The following OR3A2 variants were observed in gnomAD, a reference collection of about 807,000 sequenced individuals.
OR3A2 encodes the protein olfactory receptor 3A2.
For synonymous variants in OR3A2, 126 were observed against 159.3 expected (o/e 0.79, Z 1.57); for missense variants, 318 against 392.8 (o/e 0.81, Z 1.61).
intron 2 of OR3A2, among the ~76,000 whole-genome samples, chr17:3,343,668 A>G (rs1434132268): frequency 1.3e-5 from 2 of 152,196 alleles, no homozygotes; most frequent in African/African-American, 4.8e-5. Flanking sequence ...GGGGAAAAGA[A>G]CAAGTTTGGA....
chr17:3,278,908 C>A lies in OR3A2; in HGVS notation c.10G>T (p.Glu4Ter), dbSNP rs1180517617. The A allele has an allele frequency of 6.6e-7, 1 of 1,523,476 alleles. No individual in the cohort carries two copies. Among genetic ancestry groups the A allele is most frequent in the East Asian group, 2.3e-5 (1 of 44,212 alleles). 94.4% of individuals were successfully genotyped at this position (1,523,476 alleles called of 1,614,324 possible). ...ACAGCGGTCCTATTGGTCCCAGCTT[C>A]TGGCTCCATGAGTTTCTGTAAGGAC... Residue 4 changes from glutamate (E) to a stop codon, truncating the protein, a stop_gained, in exon 2 of 2, where the codon GAA becomes TAA. Coordinates refer to ENST00000642052, the Ensembl canonical transcript of OR3A2. LOFTEE classifies it low-confidence loss of function (END_TRUNC).
At chr17:3,349,307 C>G (rs554953270) in intron 2 of OR3A2, among the ~76,000 whole-genome samples, 1 of 152,116 alleles carries the variant, frequency 6.6e-6, no homozygotes, top group African/African-American at 2.4e-5. Flanking sequence ...CAGAGACACA[C>G]ATAGACTCAA....
intron 2 of OR3A2, among the ~76,000 whole-genome samples, chr17:3,359,100 C>G (rs924692042): frequency 6.6e-6 from 1 of 151,788 alleles, no homozygotes; most frequent in African/African-American, 2.4e-5. Context: ...AGGATTGCAA[C>G]CCCTGCTTCC....
chr17:3,329,832 T>C (rs1735669381), intron 3 of OR3A2, among the ~76,000 whole-genome samples: 1 of 114,118 alleles, frequency 8.8e-6, no homozygotes, highest in Admixed American at 9.3e-5. Context: ...CTTTCCTGCT[T>C]TCTCTTGTGG....
intron 2 of OR3A2, among the ~76,000 whole-genome samples, chr17:3,346,331 T>C (rs1233296270): frequency 2.0e-5 from 3 of 152,052 alleles, no homozygotes; most frequent in Non-Finnish European, 4.4e-5. Flanking sequence ...TGTGTGCAAA[T>C]TACATCCTGA....
intron 3 of OR3A2, among the ~76,000 whole-genome samples, chr17:3,332,551 G>A (rs1191806899): frequency 2.0e-5 from 3 of 152,236 alleles, no homozygotes; most frequent in Non-Finnish European, 2.9e-5. Context: ...GCCTCGCCCT[G>A]CTTCAGCTGG....
At chr17:3,321,450 C>G (rs2049121486) in intron 3 of OR3A2, among the ~76,000 whole-genome samples, 2 of 151,522 alleles carry the variant, frequency 1.3e-5, no homozygotes, top group Non-Finnish European at 3.0e-5. Flanking sequence ...GCATCCCTGT[C>G]TTGTGCCAGT....
intron 1 of OR3A2, chr17:3,385,788 C>A: frequency 2.5e-6 from 1 of 396,692 alleles, no homozygotes; most frequent in South Asian, 1.4e-4. Context: ...ATCCATTTAG[C>A]AAGCAGAAAT....
At chr17:3,301,958 CAG>C (rs2048969428) in intron 3 of OR3A2, among the ~76,000 whole-genome samples, 1 of 152,048 alleles carries the variant, frequency 6.6e-6, no homozygotes, top group Non-Finnish European at 1.5e-5. Flanking sequence ...AACAGACAAG[CAG>C]AGAGCCAAAT....
Position 3,371,853 on chromosome 17 carries a change from G to A in OR3A2, c.-179+11951C>T, listed in dbSNP as rs1278288214. ...CCTCCCCACCACCTCCCGCCCGGAC[G>A]GGGCGGCTGGCCGGGAGGGGAGCTG... is the stretch of plus-strand genomic sequence containing the variant. On this transcript the variant is annotated intron_variant, in intron 2 of 4. Coordinates refer to the OR3A2 transcript ENST00000573491. 3.5e-5 allele frequency among the ~76,000 whole-genome samples: 5 copies of A among 141,006 alleles called. 1 individual carries two copies. Among genetic ancestry groups the A allele is most frequent in the East Asian group, 4.7e-4 (2 of 4,278 alleles). 92.5% of individuals were successfully genotyped at this position (141,006 alleles called of 152,430 possible). A position where few individuals can be genotyped will look rare whatever the true frequency, so the allele number is the denominator to read the frequency against.
exon 1 of OR3A2, chr17:3,386,126 T>C (rs1298501958): frequency 2.5e-6 from 1 of 398,914 alleles, no homozygotes; most frequent in Non-Finnish European, 4.4e-6. Flanking sequence ...TTGGGTCACC[T>C]GAGCCTCGTG....
intron 3 of OR3A2, among the ~76,000 whole-genome samples, chr17:3,305,054 C>G (rs1448643919): frequency 6.6e-6 from 1 of 152,120 alleles, no homozygotes; most frequent in African/African-American, 2.4e-5. Context: ...TGGCAATGTT[C>G]TGTATTTTGG....
chr17:3,334,157 G>A (rs1004443784), intron 3 of OR3A2, among the ~76,000 whole-genome samples: 1 of 152,138 alleles, frequency 6.6e-6, no homozygotes, highest in African/African-American at 2.4e-5. Flanking sequence ...ATTGTTAGTG[G>A]GAGTGTAAAT....
rs546397724 is a variant in OR3A2 at position 3,349,841 on chromosome 17, C to A, written c.-178-13715G>T. Among the ~76,000 whole-genome samples the A allele has an allele frequency of 2.8e-4, 42 of 152,154 alleles. No homozygotes were observed. The South Asian group carries it at 8.5e-3, about 31-fold the overall frequency. On this transcript the variant is annotated intron_variant, in intron 2 of 4. Transcript: ENST00000573491. ...AATTATAACAAACTATCTCTCAGAC[C>A]ACAGTGCAATCAAACTAGAACTCAT...
intron 2 of OR3A2, among the ~76,000 whole-genome samples, chr17:3,349,517 C>T (rs937722399): frequency 2.6e-5 from 4 of 152,122 alleles, no homozygotes; most frequent in Non-Finnish European, 4.4e-5. Context: ...TACAGGAGCA[C>T]CCAAATTCAT....
At chr17:3,373,891 G>A (rs2049655873) in intron 2 of OR3A2, among the ~76,000 whole-genome samples, 1 of 151,958 alleles carries the variant, frequency 6.6e-6, no homozygotes, top group South Asian at 2.1e-4. Context: ...TGTTTTATAG[G>A]CCCTGTGAAA....
chr17:3,286,474 C>A (rs911168151), upstream of OR3A2, among the ~76,000 whole-genome samples: 78 of 152,146 alleles, frequency 5.1e-4, no homozygotes, highest in African/African-American at 1.6e-3. Context: ...AGTTCTAGAT[C>A]CTTGAGGAAT....
At chr17:3,280,319 T>G (rs2048769293) in intron 1 of OR3A2, among the ~76,000 whole-genome samples, 1 of 151,818 alleles carries the variant, frequency 6.6e-6, no homozygotes, top group South Asian at 2.1e-4. Context: ...TCACCCAGGC[T>G]GGAGTGCAGT....
chr17:3,382,189 T>C (rs963214920), intron 2 of OR3A2, among the ~76,000 whole-genome samples: 3 of 152,130 alleles, frequency 2.0e-5, no homozygotes, highest in African/African-American at 4.8e-5. Flanking sequence ...GGGGCCATGC[T>C]GGAAAGCTCT....
Sources: allele counts gnomAD v4.1 joint callset (sites outside exome capture counted in the v4.1 genomes callset), GRCh38; gene constraint gnomAD v4.1.1; transcripts MANE v1.5; gene names NCBI Gene and HGNC (gene_info 2026-07-23, HGNC 2026-07-21).